Variants in COL27A1 observed in about 807,000 individuals in gnomAD.
COL27A1 encodes collagen type XXVII alpha 1 chain.
Under a neutral mutation model 251.3 loss-of-function variants are expected in COL27A1, and 106 were observed. The observed-to-expected ratio is 0.42, with a 90% confidence interval of 0.36 to 0.50. COL27A1 has a LOEUF of 0.50. COL27A1 is among the 20% of genes least tolerant of loss of function. The pLI, the probability that COL27A1 is intolerant of heterozygous loss-of-function variation, is 0.00. For missense variants in COL27A1, 2,325 were observed against 2,522.8 expected, an observed-to-expected ratio of 0.92 and a Z score of 1.68; for synonymous variants, 1,000 against 986.3, an observed-to-expected ratio of 1.01 and a Z score of -0.26.
intron 28 of COL27A1, among the ~76,000 whole-genome samples, chr9:114,262,279 A>T (rs534388173): frequency 6.1e-4 from 93 of 152,302 alleles, no homozygotes; most frequent in Non-Finnish European, 1.0e-3. Flanking sequence ...AGGCCCAGAG[A>T]GGAGATGGGG....
intron 12 of COL27A1, among the ~76,000 whole-genome samples, chr9:114,217,237 C>T (rs1179416454): frequency 6.6e-6 from 1 of 152,234 alleles, no homozygotes; most frequent in African/African-American, 2.4e-5. Context: ...CCGTCTCTCC[C>T]TTGCTTATAC....
chr9:114,170,705 C>T (rs10982091), intron 3 of COL27A1, among the ~76,000 whole-genome samples: 14,337 of 152,296 alleles, frequency 0.094, 782 homozygotes, highest in Middle Eastern at 0.13. Context: ...ATTATGTCAA[C>T]GTTCTGCTCA....
intron 37 of COL27A1, among the ~76,000 whole-genome samples, chr9:114,281,647 C>G (rs1028967110): frequency 7.2e-5 from 11 of 152,250 alleles, no homozygotes; most frequent in African/African-American, 2.4e-4. Flanking sequence ...CGCACAACAT[C>G]TCAGAGATAG....
intron 56 of COL27A1, 122 bp downstream of exon 56, chr9:114,302,230 T>A (rs1024287991): frequency 2.6e-6 from 2 of 772,954 alleles, no homozygotes; most frequent in Non-Finnish European, 4.4e-6. Context: ...GGGACGCCCA[T>A]GTCCTTTTGT....
intron 40 of COL27A1, 41 bp downstream of exon 40, chr9:114,283,803 T>C: frequency 6.2e-7 from 1 of 1,605,782 alleles, no homozygotes; most frequent in South Asian, 1.1e-5. Flanking sequence ...GACTCTGTCC[T>C]GCAGGCCTGG....
chr9:114,183,269 T>C (rs996844681), intron 5 of COL27A1, among the ~76,000 whole-genome samples, 194 bp downstream of exon 5: 5 of 152,168 alleles, frequency 3.3e-5, no homozygotes, highest in African/African-American at 1.2e-4. Context: ...TGCTTCCGTC[T>C]GGGAGAGACT....
intron 25 of COL27A1, 37 bp from the exon 26 acceptor site, chr9:114,252,556 T>C: frequency 6.2e-7 from 1 of 1,606,158 alleles, no homozygotes; most frequent in Non-Finnish European, 8.5e-7. Context: ...CCCACAGCCA[T>C]AGCCGTGACC....
chr9:114,277,397 C>T (rs1036689682), intron 37 of COL27A1, among the ~76,000 whole-genome samples: 8 of 152,134 alleles, frequency 5.3e-5, no homozygotes, highest in Admixed American at 2.6e-4. Context: ...ATCCCTCAAG[C>T]GGAGAGACTG....
At chr9:114,249,808 A>C (rs887066640) in intron 24 of COL27A1, among the ~76,000 whole-genome samples, 2 of 152,194 alleles carry the variant, frequency 1.3e-5, no homozygotes, top group Non-Finnish European at 1.5e-5. Context: ...TCTTGGCTGC[A>C]AATCTGGGTT....
chr9:114,264,379 G>T lies in COL27A1; in HGVS notation c.3220G>T (p.Ala1074Ser). The change falls in exon 29 of 61, where the codon GCT becomes TCT. Residue 1074 changes from alanine to serine, a missense_variant. Physicochemically the swap from Ala to Ser is moderately conservative, Grantham distance 99. Around this residue, in one of 4 missense-constraint regions of COL27A1, gnomAD observed 662 missense variants for 795.3 expected, o/e 0.83. Transcript: ENST00000356083. ...GGGCCCCCGAGGACCGGACGGACCAGCTGGGGAGCAAGGGTCCAGGGGCCT... is the reference window on the plus strand; with the variant it reads ...GGGCCCCCGAGGACCGGACGGACCATCTGGGGAGCAAGGGTCCAGGGGCCT... ...RRGPRGPDGP[A>S]GEQGSRGLKG... The T allele has an allele frequency of 2.5e-6, 4 of 1,597,914 alleles. No individual in the cohort carries two copies. The highest frequency in any genetic ancestry group is 3.4e-6 in the Non-Finnish European group (4 of 1,171,670).
intron 28 of COL27A1, among the ~76,000 whole-genome samples, chr9:114,262,780 T>A (rs554660215): frequency 6.6e-6 from 1 of 152,350 alleles, no homozygotes; most frequent in Admixed American, 6.5e-5. Flanking sequence ...CAGCTGAGCC[T>A]TGGCCTTGCC....
chr9:114,282,763 G>A (rs936658397), intron 39 of COL27A1, among the ~76,000 whole-genome samples, 199 bp downstream of exon 39: 5 of 152,186 alleles, frequency 3.3e-5, no homozygotes, highest in African/African-American at 9.7e-5. Flanking sequence ...CCCCGCCTCC[G>A]GAACAGTATA....
intron 25 of COL27A1, among the ~76,000 whole-genome samples, chr9:114,251,866 C>T (rs960479051): frequency 6.6e-6 from 1 of 152,220 alleles, no homozygotes; most frequent in African/African-American, 2.4e-5. Flanking sequence ...GCACCATGAC[C>T]CCCACCCTCA....
intron 27 of COL27A1, among the ~76,000 whole-genome samples, chr9:114,254,791 C>G (rs959796612): frequency 2.0e-4 from 31 of 152,230 alleles, no homozygotes; most frequent in African/African-American, 7.5e-4. Context: ...CTAGCATAAG[C>G]TCCTCCCTGG....
intron 36 of COL27A1, chr9:114,273,698 A>G (rs2135652510): frequency 6.6e-6 from 1 of 152,362 alleles, no homozygotes; most frequent in African/African-American, 2.4e-5. Context: ...AAGACACACT[A>G]TGCTTTTCCA....
At chr9:114,265,136 C>CTCTA in intron 31 of COL27A1, 26 bp downstream of exon 31, 1 of 1,566,120 alleles carries the variant, frequency 6.4e-7, no homozygotes, top group South Asian at 1.1e-5. Context: ...TCTTGAAATT[C>CTCTA]TCTACATGGG....
intron 29 of COL27A1, 124 bp from the exon 30 acceptor site, chr9:114,264,800 G>A: frequency 9.7e-7 from 1 of 1,030,040 alleles, no homozygotes; most frequent in Non-Finnish European, 1.4e-6. Flanking sequence ...TCTGCACCAT[G>A]GAAAGGGGGC....
intron 4 of COL27A1, 114 bp from the exon 5 acceptor site, chr9:114,182,908 T>C: frequency 2.2e-6 from 2 of 913,728 alleles, no homozygotes; most frequent in South Asian, 3.0e-5. Flanking sequence ...AGGGCTTGGC[T>C]TGGGGAGAAG....
At chr9:114,247,831 C>T (rs1833249065) in intron 24 of COL27A1, among the ~76,000 whole-genome samples, 1 of 152,236 alleles carries the variant, frequency 6.6e-6, no homozygotes, top group Non-Finnish European at 1.5e-5. Flanking sequence ...TTCTGAAGCT[C>T]ACACCACAGG....
Sources: allele counts gnomAD v4.1 joint callset (sites outside exome capture counted in the v4.1 genomes callset), GRCh38; gene constraint gnomAD v4.1.1; regional missense constraint gnomAD v4.1.1; transcripts MANE v1.5; gene names NCBI Gene and HGNC (gene_info 2026-07-23, HGNC 2026-07-21).